SEMA4D: variants seen among roughly 807,000 people sequenced by gnomAD.
SEMA4D encodes the protein semaphorin 4D, also known as semaphorin-4D.
SEMA4D carries 22 observed loss-of-function variants against 74.8 expected under a neutral mutation model. The ratio of observed to expected loss-of-function variants is 0.29; its 90% CI spans 0.21 to 0.42. The LOEUF (loss-of-function observed/expected upper bound fraction) is 0.42. Among genes scored for constraint, SEMA4D ranks in the 10% least tolerant of loss-of-function variants. SEMA4D has a pLI of 1.00. For missense variants in SEMA4D, 937 were observed against 1,118.4 expected (o/e 0.84, Z 2.31); for synonymous variants, 445 against 463.7 (o/e 0.96, Z 0.52).
chr9:89,378,881 C>T lies in SEMA4D; in HGVS notation c.2412G>A (p.Gly804=). The change falls in exon 16 of 16, where the codon GGG becomes GGA. Residue 804 remains glycine, a synonymous_variant. Transcript: ENST00000422704. ...TGTCCAGGGCTGGCTTGGGGTGCTC[C>T]CCATTCTGCTGGGAGAAGCTCCCTG... is the stretch of plus-strand genomic sequence containing the variant. ...VEPGSFSQQN[G]EHPKPALDTG... 6.2e-7 allele frequency: 1 copy of T among 1,614,170 alleles called. No homozygotes were observed. Among genetic ancestry groups the T allele is most frequent in the Non-Finnish European group, 8.5e-7 (1 of 1,180,030 alleles).
At chr9:89,447,287 C>T (rs1028563331) in intron 2 of SEMA4D, among the ~76,000 whole-genome samples, 38 of 152,048 alleles carry the variant, frequency 2.5e-4, no homozygotes, top group Admixed American at 2.2e-3. Context: ...AGGACTAACC[C>T]TTGGGCTAGT....
intron 2 of SEMA4D, among the ~76,000 whole-genome samples, chr9:89,414,742 C>A (rs1845332519): frequency 6.6e-6 from 1 of 152,194 alleles, no homozygotes; most frequent in African/African-American, 2.4e-5. Flanking sequence ...GACCAACACT[C>A]CAGCTCTGCA....
intron 1 of SEMA4D, chr9:89,497,458 G>A (rs1237892860): frequency 6.6e-6 from 1 of 152,076 alleles, no homozygotes; most frequent in East Asian, 1.9e-4. Context: ...GGCCCGGCCA[G>A]AGCCCGGCTG....
chr9:89,361,981 T>G, exon 19 of SEMA4D: 8 of 268,628 alleles, frequency 3.0e-5, no homozygotes, highest in Non-Finnish European at 2.2e-5. Flanking sequence ...CTGTTGGCTA[T>G]TAGGGGGTGG....
At chr9:89,382,711 C>G (rs1837419389) in intron 13 of SEMA4D, among the ~76,000 whole-genome samples, 1 of 152,240 alleles carries the variant, frequency 6.6e-6, no homozygotes, top group South Asian at 2.1e-4. Flanking sequence ...CGGAAACATT[C>G]TCTGGCAGCA....
intron 2 of SEMA4D, chr9:89,418,085 G>A (rs1846100885): frequency 1.0e-6 from 1 of 984,988 alleles, no homozygotes. Flanking sequence ...AAACTTTCCA[G>A]TCATTTCTAG....
intron 13 of SEMA4D, among the ~76,000 whole-genome samples, chr9:89,384,211 C>T (rs7026103): frequency 0.01 from 1,533 of 152,306 alleles, 19 homozygotes; most frequent in African/African-American, 0.034. Flanking sequence ...CAGCACTGTT[C>T]ACAGAAGCCA....
chr9:89,371,318 G>GTC (rs1168541919), intron 16 of SEMA4D, among the ~76,000 whole-genome samples: 1 of 141,332 alleles, frequency 7.1e-6, no homozygotes. Context: ...TGTGGTGTGT[G>GTC]TGGGGTTGGT....
chr9:89,405,755 T>G, intron 2 of SEMA4D, 56 bp from the exon 3 acceptor site: 1 of 1,364,816 alleles, frequency 7.3e-7, no homozygotes, highest in South Asian at 1.9e-5. Flanking sequence ...GACCTGCTTC[T>G]CACTGCTCTG....
chr9:89,457,635 G>A (rs1018379269), intron 1 of SEMA4D, among the ~76,000 whole-genome samples: 4 of 152,158 alleles, frequency 2.6e-5, no homozygotes, highest in South Asian at 4.1e-4. Context: ...GAGAAGCTGA[G>A]GTGGGAGGAT....
intron 2 of SEMA4D, among the ~76,000 whole-genome samples, chr9:89,433,067 G>A (rs572581421): frequency 2.0e-5 from 3 of 152,356 alleles, no homozygotes; most frequent in South Asian, 2.1e-4. Flanking sequence ...GGTTGGGAAC[G>A]TGGCAGAACT....
Position 89,433,584 on chromosome 9 carries a change from T to C in SEMA4D, c.-244+22304A>G, listed in dbSNP as rs150990036. Among the ~76,000 whole-genome samples, 22 of 152,300 alleles carry C rather than the reference T, an allele frequency of 1.4e-4. No individual in the cohort carries two copies. In the East Asian group the frequency reaches 3.7e-3, roughly 25 times the overall value. On this transcript the variant is annotated intron_variant, in intron 2 of 15. Coordinates refer to ENST00000422704, the MANE Select transcript of SEMA4D (RefSeq NM_001371194.2). Reference sequence around the variant, plus strand: ...CAGTAGGTCAGATGCATCCAACTCTTGGCATTTCGCTTAACCCCCTCTGGG... The same window carrying C: ...CAGTAGGTCAGATGCATCCAACTCTCGGCATTTCGCTTAACCCCCTCTGGG...
intron 1 of SEMA4D, among the ~76,000 whole-genome samples, chr9:89,458,760 T>C (rs983260905): frequency 6.6e-6 from 1 of 151,892 alleles, no homozygotes; most frequent in Non-Finnish European, 1.5e-5. Flanking sequence ...CACATATACA[T>C]ATATGCACAT....
In SEMA4D at chr9:89,431,462, CA is replaced by C. The variant is rs201526909; in HGVS notation, c.-244+24425del. Among the ~76,000 whole-genome samples, 26 of 152,274 alleles carry C rather than the reference CA, an allele frequency of 1.7e-4. No homozygotes were observed. The East Asian group carries it at 5.0e-3, about 29-fold the overall frequency. On this transcript the variant is annotated intron_variant, in intron 2 of 15. Coordinates refer to ENST00000422704, the MANE Select transcript of SEMA4D (RefSeq NM_001371194.2). ...AAATTTTTTTACTGGAGGCATTTTTCAGTATTGTTCTCCCAAACAAGAGCAG... is the reference window on the plus strand; with the variant it reads ...AAATTTTTTTACTGGAGGCATTTTTCGTATTGTTCTCCCAAACAAGAGCAG...
At chr9:89,431,077 C>T (rs1440683651) in intron 2 of SEMA4D, among the ~76,000 whole-genome samples, 13 of 152,282 alleles carry the variant, frequency 8.5e-5, no homozygotes, top group African/African-American at 1.4e-4. Context: ...CCACACAAGT[C>T]GATGTTTATT....
intron 16 of SEMA4D, among the ~76,000 whole-genome samples, chr9:89,371,128 ATG>A (rs1834603287): frequency 2.9e-5 from 1 of 34,678 alleles, no homozygotes. Context: ...TGTGGTGTGT[ATG>A]TCTGGGGTGT....
chr9:89,376,835 G>A, downstream of SEMA4D: 1 of 1,548,146 alleles, frequency 6.5e-7, no homozygotes, highest in Non-Finnish European at 8.7e-7. Context: ...CAACTCACCT[G>A]TGGCCTGGCA....
chr9:89,474,453 C>G (rs924570529), intron 1 of SEMA4D, among the ~76,000 whole-genome samples: 3 of 152,184 alleles, frequency 2.0e-5, no homozygotes, highest in African/African-American at 7.2e-5. Flanking sequence ...CCTTTGTATA[C>G]ACAGATGAAA....
At chr9:89,382,459 C>T (rs948450611) in intron 13 of SEMA4D, among the ~76,000 whole-genome samples, 1 of 152,190 alleles carries the variant, frequency 6.6e-6, no homozygotes, top group South Asian at 2.1e-4. Context: ...GATGCCAATA[C>T]AGGAAGCCCC....
Sources: gnomAD v4.1 joint callset for allele counts (sites outside exome capture counted in the v4.1 genomes callset) on GRCh38, gnomAD v4.1.1 for gene constraint, MANE v1.5 for transcripts, NCBI Gene and HGNC (gene_info 2026-07-23, HGNC 2026-07-21) for gene names.